Variants in AGBL1 observed in about 807,000 individuals in gnomAD.
The protein encoded by AGBL1 is AGBL carboxypeptidase 1.
In AGBL1, 130 loss-of-function variants were observed where a neutral mutation model predicts 118.9. That is an observed-to-expected ratio of 1.09 (90% CI 0.95 to 1.26). The LOEUF is 1.26. Ranked by LOEUF, AGBL1 falls within the 50% of genes most tolerant of loss-of-function variation. AGBL1 has a pLI of 0.00. For missense variants in AGBL1, 1,584 were observed against 1,298.1 expected (o/e 1.22, Z -3.38); for synonymous variants, 555 against 478.9 (o/e 1.16, Z -2.08).
At position 86,264,724 on chromosome 15, in the gene AGBL1, C is replaced by A. The variant is rs747955198; in HGVS notation, c.1553C>A (p.Ala518Asp). Residue 518 changes from alanine (A) to aspartate (D), a missense_variant, in exon 11 of 23, where the codon GCC becomes GAC. Coordinates refer to ENST00000614907, the MANE Select transcript of AGBL1 (RefSeq NM_001386094.1). ...FHDPYLYMAK[A>D]RRTSSVVDFK... is the part of the protein sequence containing the mutation. The stretch of plus-strand genomic sequence containing the variant: ...GATCCCTATCTTTATATGGCCAAAG[C>A]CAGAAGAACCAGCTCTGTGGTGGAC... 8.7e-6 allele frequency: 14 copies of A among 1,613,996 alleles called. No homozygotes were observed. The highest frequency in any genetic ancestry group is 1.2e-5 in the Non-Finnish European group (14 of 1,179,882).
chr15:86,182,792 C>T (rs959812201), intron 5 of AGBL1, among the ~76,000 whole-genome samples: 9 of 152,050 alleles, frequency 5.9e-5, no homozygotes, highest in African/African-American at 2.2e-4. Flanking sequence ...ATAGGAGGAT[C>T]TCTAAGATCA....
intron 22 of AGBL1, among the ~76,000 whole-genome samples, chr15:86,716,668 C>T (rs1354719242): frequency 6.6e-6 from 1 of 152,294 alleles, no homozygotes; most frequent in East Asian, 1.9e-4. Flanking sequence ...ACACCTGAGA[C>T]AATTAAGACA....
At chr15:86,709,181 A>C (rs1208004141) in intron 22 of AGBL1, among the ~76,000 whole-genome samples, 1 of 152,148 alleles carries the variant, frequency 6.6e-6, no homozygotes, top group East Asian at 1.9e-4. Flanking sequence ...TGTACTCATC[A>C]TCTGAAGACA....
At chr15:86,704,850 C>G (rs958736034) in intron 22 of AGBL1, among the ~76,000 whole-genome samples, 1 of 152,138 alleles carries the variant, frequency 6.6e-6, no homozygotes, top group African/African-American at 2.4e-5. Flanking sequence ...TATTGCAGCA[C>G]TATTTACAAT....
At chr15:86,477,501 G>T (rs1427990745) in intron 18 of AGBL1, among the ~76,000 whole-genome samples, 1 of 151,966 alleles carries the variant, frequency 6.6e-6, no homozygotes, top group African/African-American at 2.4e-5. Flanking sequence ...ATAAATTCCT[G>T]GGCACATACA....
chr15:86,506,482 G>A (rs147636321), intron 18 of AGBL1, among the ~76,000 whole-genome samples: 9 of 152,146 alleles, frequency 5.9e-5, no homozygotes, highest in African/African-American at 1.9e-4. Context: ...GAAGATTTGA[G>A]TCATGTCAAA....
intron 23 of AGBL1, among the ~76,000 whole-genome samples, chr15:86,936,934 A>T (rs1170022283): frequency 1.3e-5 from 2 of 152,210 alleles, no homozygotes; most frequent in Non-Finnish European, 2.9e-5. Context: ...CAGCATCCTT[A>T]AGGAACTTAT....
At chr15:86,273,387 A>G (rs1482642280) in intron 15 of AGBL1, among the ~76,000 whole-genome samples, 1 of 152,254 alleles carries the variant, frequency 6.6e-6, no homozygotes, top group Non-Finnish European at 1.5e-5. Context: ...CCAGCCATGA[A>G]TACAACAGAG....
intron 18 of AGBL1, among the ~76,000 whole-genome samples, chr15:86,415,724 G>C (rs985498940): frequency 6.6e-6 from 1 of 152,084 alleles, no homozygotes; most frequent in African/African-American, 2.4e-5. Context: ...TCACTGTGTA[G>C]TTGATCTAAA....
intron 17 of AGBL1, among the ~76,000 whole-genome samples, chr15:86,300,674 C>T (rs979897240): frequency 6.6e-6 from 1 of 152,168 alleles, no homozygotes; most frequent in Non-Finnish European, 1.5e-5. Context: ...TAATCTCACT[C>T]CCCTGCCACA....
intron 18 of AGBL1, among the ~76,000 whole-genome samples, chr15:86,407,441 T>A (rs1897265): frequency 0.28 from 42,791 of 151,940 alleles, 6,637 homozygotes; most frequent in East Asian, 0.61. Context: ...GCATAGAACT[T>A]GGGAAGTGGT....
chr15:86,970,704 A>G (rs1482152296), intron 23 of AGBL1, among the ~76,000 whole-genome samples: 2 of 151,974 alleles, frequency 1.3e-5, no homozygotes, highest in Non-Finnish European at 2.9e-5. Context: ...GCAATTTACA[A>G]AATTCAGTAT....
At chr15:86,528,155 G>T (rs984829110) in intron 19 of AGBL1, among the ~76,000 whole-genome samples, 1 of 152,202 alleles carries the variant, frequency 6.6e-6, no homozygotes, top group Non-Finnish European at 1.5e-5. Flanking sequence ...CAGCGTGAGC[G>T]ACGCAGAAGA....
intron 18 of AGBL1, among the ~76,000 whole-genome samples, chr15:86,512,702 C>T (rs2083066937): frequency 6.6e-6 from 1 of 151,812 alleles, no homozygotes; most frequent in African/African-American, 2.4e-5. Context: ...CAATATTTGT[C>T]ACTTTGCCTT....
At chr15:86,433,831 A>T (rs920726288) in intron 18 of AGBL1, among the ~76,000 whole-genome samples, 2 of 152,236 alleles carry the variant, frequency 1.3e-5, no homozygotes, top group African/African-American at 4.8e-5. Flanking sequence ...GGGATGAAAT[A>T]ACAGCATCTT....
chr15:86,857,051 G>T (rs2079493267), intron 22 of AGBL1, among the ~76,000 whole-genome samples: 1 of 152,082 alleles, frequency 6.6e-6, no homozygotes, highest in African/African-American at 2.4e-5. Context: ...CAGAAACCCA[G>T]ACCCCAGACT....
In AGBL1 at chr15:86,716,640, A is replaced by C. The variant is rs561995530; in HGVS notation, c.3158+42204A>C. Among the ~76,000 whole-genome samples the C allele has an allele frequency of 9.6e-4, 147 of 152,364 alleles. 1 individual carries two copies. The highest frequency in any genetic ancestry group is 3.4e-3 in the African/African-American group (141 of 41,594). ...AGCCAATACTCAGCTTTCAGATGTC[A>C]GAATAGAAAGGACACCTACACCTGA... On this transcript the variant is annotated intron_variant, in intron 22 of 22. Coordinates refer to ENST00000614907, the MANE Select transcript of AGBL1 (RefSeq NM_001386094.1).
At chr15:86,213,863 A>G (rs1258626709) in intron 5 of AGBL1, among the ~76,000 whole-genome samples, 2 of 152,184 alleles carry the variant, frequency 1.3e-5, no homozygotes, top group African/African-American at 4.8e-5. Context: ...TCTACTGTCA[A>G]AACTTTGTTG....
intron 22 of AGBL1, among the ~76,000 whole-genome samples, chr15:86,865,463 C>T (rs1414328120): frequency 5.9e-5 from 9 of 152,264 alleles, no homozygotes; most frequent in South Asian, 2.1e-4. Context: ...ATAATTGGAC[C>T]GGAGGAGTGA....
Sources: gnomAD v4.1 joint callset for allele counts (sites outside exome capture counted in the v4.1 genomes callset) on GRCh38, gnomAD v4.1.1 for gene constraint, MANE v1.5 for transcripts, NCBI Gene and HGNC (gene_info 2026-07-23, HGNC 2026-07-21) for gene names.